MCTP2: variants seen among roughly 807,000 people sequenced by gnomAD.
MCTP2 encodes the protein multiple C2 and transmembrane domain-containing protein 2.
Under a neutral mutation model 111.6 loss-of-function variants are expected in MCTP2, and 132 were observed. That is an observed-to-expected ratio of 1.18 (90% confidence interval 1.03 to 1.37). The LOEUF is 1.37. Ranked by LOEUF, MCTP2 falls within the 40% of genes most tolerant of loss-of-function variation. The pLI is 0.00. For synonymous variants in MCTP2, 395 were observed against 387.7 expected (o/e 1.02, Z -0.22); for missense variants, 1,183 against 1,067.9 (o/e 1.11, Z -1.50).
intron 1 of MCTP2, among the ~76,000 whole-genome samples, chr15:94,289,106 G>T (rs1482327764): frequency 6.6e-6 from 1 of 152,186 alleles, no homozygotes; most frequent in African/African-American, 2.4e-5. Context: ...AGTATTCAAA[G>T]AAATGATGGC....
At chr15:94,398,438 C>T (rs935136091) in intron 14 of MCTP2, among the ~76,000 whole-genome samples, 3 of 152,186 alleles carry the variant, frequency 2.0e-5, no homozygotes, top group African/African-American at 7.2e-5. Context: ...TTTGTTAAAA[C>T]TGAAAAGAAC....
intron 18 of MCTP2, among the ~76,000 whole-genome samples, chr15:94,441,541 T>C (rs1243126443): frequency 4.6e-5 from 7 of 152,238 alleles, no homozygotes; most frequent in Non-Finnish European, 1.0e-4. Context: ...CATGTACATA[T>C]ACTGGCATAC....
chr15:94,410,080 T>C (rs775438601), intron 17 of MCTP2, among the ~76,000 whole-genome samples: 2 of 152,168 alleles, frequency 1.3e-5, no homozygotes, highest in Non-Finnish European at 2.9e-5. Flanking sequence ...AATTAGGTCA[T>C]AAGCATGGAA....
chr15:94,477,563 A>G (rs902211958), intron 22 of MCTP2, among the ~76,000 whole-genome samples: 4 of 152,346 alleles, frequency 2.6e-5, no homozygotes, highest in South Asian at 2.1e-4. Flanking sequence ...TGGGGAGACC[A>G]TGGCGTGAAA....
At chr15:94,402,837 T>C (rs1289679862) in intron 17 of MCTP2, 1 of 1,303,730 alleles carries the variant, frequency 7.7e-7, no homozygotes, top group Non-Finnish European at 9.8e-7. Context: ...TAAAAACTAA[T>C]ACGAGGTATG....
rs545174549 is a variant in MCTP2 at position 94,449,404 on chromosome 15, G to GTCA, written c.2250+6444_2250+6445insTCA. Among the ~76,000 whole-genome samples the GTCA allele has an allele frequency of 1.2e-3, 187 of 152,262 alleles. 1 individual carries two copies. The highest frequency in any genetic ancestry group is 4.2e-3 in the African/African-American group (176 of 41,552). ...TATGAGATTTCTCAGCCAGGATAGT[G>GTCA]GCAACACTCAAACCCATCTCTTCTG... is the stretch of plus-strand genomic sequence containing the variant. On this transcript the variant is annotated intron_variant, in intron 19 of 22. Transcript: ENST00000357742.
chr15:94,257,566 GTTGTTTTTTTTTTTTTTTTT>G (rs2072873994), intron 1 of MCTP2, among the ~76,000 whole-genome samples: 5 of 73,006 alleles, frequency 6.8e-5, no homozygotes, highest in Non-Finnish European at 5.3e-5. Flanking sequence ...CATTTTCTTT[GTTGTTTTTTTTTTTTTTTTT>G]TTTTTTTTTT....
chr15:94,245,396 ATG>A (rs2071816890), intron 1 of MCTP2, among the ~76,000 whole-genome samples: 2 of 52,440 alleles, frequency 3.8e-5, no homozygotes, highest in African/African-American at 6.5e-5. Context: ...ATTTATATAC[ATG>A]TGTGTATATA....
intron 1 of MCTP2, among the ~76,000 whole-genome samples, chr15:94,252,275 C>T (rs757943308): frequency 1.4e-4 from 21 of 152,188 alleles, no homozygotes; most frequent in Non-Finnish European, 2.5e-4. Context: ...GTCTTGCCAA[C>T]ACTTGCCATT....
At chr15:94,331,439 G>T (rs2077127355) in intron 4 of MCTP2, among the ~76,000 whole-genome samples, 1 of 152,092 alleles carries the variant, frequency 6.6e-6, no homozygotes, top group Admixed American at 6.5e-5. Context: ...CTGAGAGTAG[G>T]AGAAGGCAGG....
At chr15:94,252,079 C>T (rs1205048048) in intron 1 of MCTP2, among the ~76,000 whole-genome samples, 1 of 152,192 alleles carries the variant, frequency 6.6e-6, no homozygotes, top group Non-Finnish European at 1.5e-5. Context: ...CTGCTAGGAA[C>T]ATCGGTGTAC....
intron 1 of MCTP2, among the ~76,000 whole-genome samples, chr15:94,264,736 A>T (rs187247066): frequency 1.4e-4 from 21 of 152,338 alleles, no homozygotes; most frequent in African/African-American, 5.1e-4. Flanking sequence ...TCAGTTACTT[A>T]TATGTAACTT....
At chr15:94,463,972 T>A (rs1364038642) in intron 20 of MCTP2, among the ~76,000 whole-genome samples, 1 of 151,756 alleles carries the variant, frequency 6.6e-6, no homozygotes, top group Non-Finnish European at 1.5e-5. Context: ...GGATTTTATT[T>A]ACTTGTTTTT....
chr15:94,436,796 A>G (rs980618469), intron 17 of MCTP2, among the ~76,000 whole-genome samples: 2 of 152,070 alleles, frequency 1.3e-5, no homozygotes, highest in Non-Finnish European at 2.9e-5. Flanking sequence ...AAATAATAAT[A>G]AAATCCATTT....
At chr15:94,345,727 G>T (rs1000931892) in intron 8 of MCTP2, among the ~76,000 whole-genome samples, 1 of 152,122 alleles carries the variant, frequency 6.6e-6, no homozygotes, top group African/African-American at 2.4e-5. Flanking sequence ...ATTAATTTAT[G>T]AAGTTATTAA....
chr15:94,464,448 A>G (rs1010278670), intron 20 of MCTP2, among the ~76,000 whole-genome samples: 4 of 91,264 alleles, frequency 4.4e-5, no homozygotes, highest in African/African-American at 1.8e-4. Context: ...TATGCTTGAT[A>G]TTGTTATCTT....
At chr15:94,344,165 T>C (rs1405056553) in intron 7 of MCTP2, 1 of 152,186 alleles carries the variant, frequency 6.6e-6, no homozygotes, top group Non-Finnish European at 1.5e-5. Context: ...GGGGGACATG[T>C]AATTAATGAA....
chr15:94,390,546 T>A (rs886930211), intron 14 of MCTP2, among the ~76,000 whole-genome samples: 1 of 152,094 alleles, frequency 6.6e-6, no homozygotes, highest in African/African-American at 2.4e-5. Flanking sequence ...AGGCCATTCC[T>A]TTTTATTGAA....
At chr15:94,447,539 C>G (rs1328423756) in intron 19 of MCTP2, among the ~76,000 whole-genome samples, 2 of 152,144 alleles carry the variant, frequency 1.3e-5, no homozygotes, top group African/African-American at 4.8e-5. Flanking sequence ...AGACTACAGC[C>G]ATGTGCCACC....
Sources: gnomAD v4.1 joint callset for allele counts (sites outside exome capture counted in the v4.1 genomes callset) on GRCh38, gnomAD v4.1.1 for gene constraint, MANE v1.5 for transcripts, NCBI Gene and HGNC (gene_info 2026-07-23, HGNC 2026-07-21) for gene names.